DTWD2: variants seen among roughly 807,000 people sequenced by gnomAD.
DTWD2 encodes DTW motif tRNA-uridine aminocarboxypropyltransferase 2.
DTWD2 carries 39 observed loss-of-function variants against 31.8 expected under a neutral mutation model. The observed-to-expected ratio is 1.22, with a 90% CI of 0.95 to 1.60. The LOEUF (loss-of-function observed/expected upper bound fraction) is 1.60. DTWD2 is among the 40% of genes most tolerant of loss of function. The pLI, the probability that DTWD2 is intolerant of heterozygous loss-of-function variation, is 0.00. For synonymous variants in DTWD2, 180 were observed against 142.8 expected (o/e 1.26, Z -1.86); for missense variants, 515 against 381.5 (o/e 1.35, Z -2.92).
At position 118,836,264 on chromosome 5, in the gene DTWD2, ACTGT is replaced by A. The variant is rs1366097959; in HGVS notation, c.*4649_*4652del. ...ATTTATTTATTTATTTATTTGAGAC[ACTGT>A]CTCACTCTGTCGCCCAGGCTAGAGT... On this transcript the variant is annotated 3_prime_UTR_variant, in exon 6 of 6. Transcript: ENST00000510708. 6.6e-6 allele frequency among the ~76,000 whole-genome samples: 1 copy of A among 152,082 alleles called. No homozygotes were observed. Among genetic ancestry groups the A allele is most frequent in the African/African-American group, 2.4e-5 (1 of 41,398 alleles).
At chr5:118,860,226 T>A (rs1366342893) in intron 4 of DTWD2, among the ~76,000 whole-genome samples, 1 of 149,634 alleles carries the variant, frequency 6.7e-6, no homozygotes, top group Non-Finnish European at 1.5e-5. Context: ...GTATTGTATT[T>A]ATTAATATAT....
chr5:118,881,127 G>A (rs1752730800), intron 4 of DTWD2, among the ~76,000 whole-genome samples: 1 of 152,086 alleles, frequency 6.6e-6, no homozygotes, highest in South Asian at 2.1e-4. Flanking sequence ...TACTTAACAT[G>A]CTAGCTACCT....
chr5:118,921,715 A>G lies in DTWD2; in HGVS notation c.597+6822T>C, dbSNP rs182975267. Among the ~76,000 whole-genome samples, 17 of 152,324 alleles carry G rather than the reference A, an allele frequency of 1.1e-4. No individual in the cohort carries two copies. The East Asian group carries it at 1.9e-3, about 17-fold the overall frequency. On this transcript the variant is annotated intron_variant, in intron 4 of 5. Coordinates refer to ENST00000510708, the MANE Select transcript of DTWD2 (RefSeq NM_173666.4). The stretch of plus-strand genomic sequence containing the variant: ...ATATTTCCTGGAAAATACAGTACAG[A>G]AGTCACTTAACGAACAGTAAGTAGA...
chr5:118,924,246 C>T (rs1340772877), intron 4 of DTWD2, among the ~76,000 whole-genome samples: 1 of 152,196 alleles, frequency 6.6e-6, no homozygotes, highest in African/African-American at 2.4e-5. Flanking sequence ...TATTAATCTC[C>T]TGCTTCCTAC....
intron 4 of DTWD2, among the ~76,000 whole-genome samples, chr5:118,883,423 A>T (rs1346840903): frequency 3.3e-5 from 5 of 152,198 alleles, no homozygotes; most frequent in African/African-American, 4.8e-5. Context: ...AGCTGCTTTC[A>T]CATTTTCAGA....
intron 4 of DTWD2, among the ~76,000 whole-genome samples, chr5:118,911,175 A>G (rs1464076999): frequency 2.0e-5 from 3 of 152,238 alleles, no homozygotes; most frequent in African/African-American, 7.2e-5. Context: ...ACATTTCTCA[A>G]AAGAAGAAAT....
intron 4 of DTWD2, among the ~76,000 whole-genome samples, chr5:118,869,209 TTA>T (rs1381818199): frequency 6.6e-6 from 1 of 152,152 alleles, no homozygotes; most frequent in Non-Finnish European, 1.5e-5. Context: ...ACTGTAAATT[TTA>T]TATGTGTATT....
At chr5:118,921,119 T>C (rs1377229270) in intron 4 of DTWD2, among the ~76,000 whole-genome samples, 1 of 152,198 alleles carries the variant, frequency 6.6e-6, no homozygotes, top group East Asian at 1.9e-4. Flanking sequence ...AAGTTCTATT[T>C]GTAAATACTA....
At chr5:118,860,212 A>G (rs761829695) in intron 4 of DTWD2, among the ~76,000 whole-genome samples, 13 of 149,568 alleles carry the variant, frequency 8.7e-5, no homozygotes, top group Non-Finnish European at 1.8e-4. Flanking sequence ...TATGTTTATA[A>G]TATGTATTGT....
At chr5:118,940,361 T>A (rs1442212229) in intron 2 of DTWD2, among the ~76,000 whole-genome samples, 4 of 152,216 alleles carry the variant, frequency 2.6e-5, no homozygotes, top group African/African-American at 9.7e-5. Flanking sequence ...CTTAATCAGT[T>A]TCTAAACCTT....
At chr5:118,935,724 G>A (rs767039887) in intron 3 of DTWD2, among the ~76,000 whole-genome samples, 1 of 152,124 alleles carries the variant, frequency 6.6e-6, no homozygotes, top group Non-Finnish European at 1.5e-5. Context: ...CCTACTTGAA[G>A]AGTTTTCAAA....
intron 2 of DTWD2, 59 bp downstream of exon 2, chr5:118,944,500 C>T: frequency 2.0e-6 from 3 of 1,504,460 alleles, no homozygotes; most frequent in Non-Finnish European, 2.8e-6. Context: ...TGTTTATCTT[C>T]GTGTTTCCTC....
intron 4 of DTWD2, among the ~76,000 whole-genome samples, chr5:118,899,862 C>G (rs539563239): frequency 1.2e-4 from 17 of 141,814 alleles, no homozygotes; most frequent in African/African-American, 4.0e-4. Context: ...AGTACAGTGG[C>G]ACGATCTCGG....
chr5:118,901,313 C>G (rs954534376), intron 4 of DTWD2, among the ~76,000 whole-genome samples: 5 of 152,118 alleles, frequency 3.3e-5, no homozygotes, highest in Non-Finnish European at 5.9e-5. Flanking sequence ...AGTAAGTATT[C>G]CTGATAATCC....
intron 4 of DTWD2, among the ~76,000 whole-genome samples, chr5:118,880,260 T>C (rs986687293): frequency 5.8e-4 from 88 of 152,308 alleles, no homozygotes; most frequent in African/African-American, 2.0e-3. Flanking sequence ...AATTAGGATA[T>C]GTCTTATAAT....
intron 4 of DTWD2, among the ~76,000 whole-genome samples, chr5:118,859,783 G>C (rs1752218322): frequency 6.6e-6 from 1 of 152,104 alleles, no homozygotes; most frequent in Non-Finnish European, 1.5e-5. Flanking sequence ...TGGTTTGCCT[G>C]ACTACCACTT....
rs770013888 is a variant in DTWD2, at chr5:118,898,496, G to GA, written c.597+30040dup. Among the ~76,000 whole-genome samples, 470 of 141,276 alleles carry GA rather than the reference G, an allele frequency of 3.3e-3. 1 individual carries two copies. Among genetic ancestry groups the GA allele is most frequent in the South Asian group, 0.016 (71 of 4,452 alleles). The allele number at this position is 141,276 out of a possible 152,430, so 92.7% of individuals were successfully genotyped here. ...AACATGGTGAAACCCCGTCGCTACT[G>GA]AAAAAAAAAAAAATTAGCCGGGCAT... On this transcript the variant is annotated intron_variant, in intron 4 of 5. Coordinates refer to ENST00000510708, the MANE Select transcript of DTWD2 (RefSeq NM_173666.4).
At chr5:118,924,930 A>G (rs954772329) in intron 4 of DTWD2, among the ~76,000 whole-genome samples, 1 of 152,200 alleles carries the variant, frequency 6.6e-6, no homozygotes, top group Non-Finnish European at 1.5e-5. Context: ...GGGAAAGATA[A>G]TACATGTAAA....
intron 5 of DTWD2, among the ~76,000 whole-genome samples, chr5:118,843,428 A>G (rs983278814): frequency 2.7e-5 from 4 of 150,258 alleles, no homozygotes; most frequent in Middle Eastern, 6.9e-3. Context: ...AAGGCTCTGC[A>G]CAATATTATT....
Sources: gnomAD v4.1 joint callset for allele counts (sites outside exome capture counted in the v4.1 genomes callset) on GRCh38, gnomAD v4.1.1 for gene constraint, MANE v1.5 for transcripts, NCBI Gene and HGNC (gene_info 2026-07-23, HGNC 2026-07-21) for gene names.